The following ELK1 variants were observed in gnomAD, a reference collection of about 807,000 sequenced individuals.
ELK1 encodes ETS domain-containing protein Elk-1.
For synonymous variants in ELK1, 163 were observed against 176.3 expected (o/e 0.92, Z 0.60); for missense variants, 254 against 381.5 (o/e 0.67, Z 2.78).
chrX:47,638,537 C>T (rs767543729), intron 4 of ELK1, among the ~76,000 whole-genome samples: 57 of 112,347 alleles, frequency 5.1e-4, no homozygotes, highest in Non-Finnish European at 4.7e-4. Context: ...TTATTGGGCC[C>T]CTCCCCAGCC....
chrX:47,646,833 T>A (rs1198681140), intron 2 of ELK1, among the ~76,000 whole-genome samples: 2 of 112,039 alleles, frequency 1.8e-5, no homozygotes, highest in African/African-American at 3.2e-5. Context: ...ATCACCTGTG[T>A]GACCTCACCT....
Position 47,636,081 on chromosome X carries a change from C to T in ELK1, c.*748G>A, listed in dbSNP as rs2058006897. 1 of 111,570 alleles carries T rather than the reference C, an allele frequency of 9.0e-6. No homozygotes were observed. Among genetic ancestry groups the T allele is most frequent in the South Asian group, 3.7e-4 (1 of 2,686 alleles). The allele number at this position is 111,570 out of a possible 1,213,427, so 9.2% of individuals were successfully genotyped here. A position where few individuals can be genotyped will look rare whatever the true frequency, so the allele number is the denominator to read the frequency against. ...AGGGGCCCCCCAGACGGGGACCACC[C>T]CCCAAAAAAACCCTCCATTGGGAGG... On this transcript the variant is annotated 3_prime_UTR_variant, in exon 7 of 7. Coordinates refer to ENST00000376983, the MANE Select transcript of ELK1 (RefSeq NM_001114123.3).
chrX:47,637,741 A>T lies in ELK1; in HGVS notation c.1086+10T>A. The T allele has an allele frequency of 8.5e-7, 1 of 1,180,866 alleles. No homozygotes were observed. The highest frequency in any genetic ancestry group is 1.9e-5 in the South Asian group (1 of 53,899). On this transcript the variant is annotated intron_variant, in intron 5 of 6. Coordinates refer to ENST00000376983, the MANE Select transcript of ELK1 (RefSeq NM_001114123.3). Reference sequence around the variant, plus strand: ...GCGCCCACACACCCCACCCCTCCGCAGGCACTCACCAATGTATGCGTAGGA... The same window carrying T: ...GCGCCCACACACCCCACCCCTCCGCTGGCACTCACCAATGTATGCGTAGGA...
chrX:47,638,970 G>T lies in ELK1; in HGVS notation c.579C>A (p.Pro193=), dbSNP rs761811017. The T allele has an allele frequency of 1.0e-5, 12 of 1,199,409 alleles. No homozygotes were observed. In the African/African-American group the frequency reaches 1.7e-4, roughly 17 times the overall value. ...SAAPAGAAAP[P]SGSRSTSPSP... is the part of the protein sequence containing the mutation. ...TTGGACTGGTGCTCCTGCTCCCCGA[G>T]GGGGGCGCTGCTGCCCCTGCAGGAG... is the stretch of plus-strand genomic sequence containing the variant. The change falls in exon 4 of 7, where the codon CCC becomes CCA. Residue 193 remains proline (P), a synonymous_variant. Transcript: ENST00000376983.
At chrX:47,640,765 G>A (rs937262996) in intron 3 of ELK1, among the ~76,000 whole-genome samples, 1 of 111,371 alleles carries the variant, frequency 9.0e-6, no homozygotes, top group African/African-American at 3.3e-5. Context: ...AGCAAAAGTT[G>A]GTATAATACT....
intron 5 of ELK1, 31 bp downstream of exon 5, chrX:47,637,720 C>T (rs2058013523): frequency 4.1e-5 from 47 of 1,158,719 alleles, no homozygotes; most frequent in Non-Finnish European, 5.2e-5. Context: ...GTGCTGGCGC[C>T]CACACACCCC....
At chrX:47,642,942 C>T (rs761145081) in intron 2 of ELK1, among the ~76,000 whole-genome samples, 15 of 111,894 alleles carry the variant, frequency 1.3e-4, no homozygotes, top group Non-Finnish European at 2.6e-4. Flanking sequence ...CAATAATTAA[C>T]ATCTATTGAG....
At chrX:47,637,647 G>A in intron 5 of ELK1, 104 bp downstream of exon 5, 1 of 997,796 alleles carries the variant, frequency 1.0e-6, no homozygotes, top group South Asian at 2.3e-5. Context: ...ACCCTCTTCA[G>A]GAACAACCAC....
intron 2 of ELK1, among the ~76,000 whole-genome samples, chrX:47,642,647 G>A (rs771189565): frequency 3.8e-5 from 4 of 105,274 alleles, no homozygotes; most frequent in Admixed American, 1.0e-4. Flanking sequence ...AGGCTGGAGC[G>A]CAGTATAGTG....
chrX:47,644,924 A>T (rs1165151931), intron 2 of ELK1, among the ~76,000 whole-genome samples: 1 of 111,646 alleles, frequency 9.0e-6, no homozygotes, highest in East Asian at 2.8e-4. Flanking sequence ...TGTGAGAAGA[A>T]CAGACTGTTG....
At position 47,648,032 on chromosome X, in the gene ELK1, A is replaced by G. The variant is rs372892587; in HGVS notation, c.-35+1889T>C. On this transcript the variant is annotated intron_variant, in intron 2 of 6. Coordinates refer to ENST00000376983, the MANE Select transcript of ELK1 (RefSeq NM_001114123.3). ...GGTGTGACAATCAACCTTTAATGAA[A>G]TAACACTACCCAGGTACAACAAAAT... is the stretch of plus-strand genomic sequence containing the variant. Among the ~76,000 whole-genome samples the G allele has an allele frequency of 4.4e-5, 5 of 112,487 alleles. No homozygotes were observed. In the East Asian group the frequency reaches 1.1e-3, roughly 25 times the overall value.
At position 47,638,121 on chromosome X, in the gene ELK1, C is replaced by T; in HGVS notation, c.716G>A (p.Gly239Asp). ...LKSEELNVEP[G>D]LGRALPPEVK... The stretch of plus-strand genomic sequence containing the variant: ...TTCTGGGGGCAAAGCCCGGCCCAAA[C>T]CCGGCTCCACATTAAGCTCTTCCGA... Residue 239 changes from glycine (G) to aspartate (D), a missense_variant, in exon 5 of 7, where the codon GGT becomes GAT. By Grantham distance (94) the Gly-to-Asp change is moderately conservative (BLOSUM62 -1). Transcript: ENST00000376983. 2 of 1,209,398 alleles carry T rather than the reference C, an allele frequency of 1.7e-6. No homozygotes were observed. Among genetic ancestry groups the T allele is most frequent in the Middle Eastern group, 4.6e-4 (2 of 4,354 alleles).
At chrX:47,642,379 C>T (rs938448625) in intron 2 of ELK1, among the ~76,000 whole-genome samples, 10 of 107,307 alleles carry the variant, frequency 9.3e-5, no homozygotes, top group Admixed American at 7.0e-4. Flanking sequence ...GTATCTTCTA[C>T]CATATCAATG....
At chrX:47,639,639 A>C (rs1603091059) in intron 3 of ELK1, among the ~76,000 whole-genome samples, 1 of 108,260 alleles carries the variant, frequency 9.2e-6, no homozygotes, top group African/African-American at 3.4e-5. Flanking sequence ...CTTCCCATCC[A>C]CCCCTTTCCA....
chrX:47,638,323 C>T (rs781594313), intron 4 of ELK1, 141 bp from the exon 5 acceptor site: 22 of 777,748 alleles, frequency 2.8e-5, no homozygotes, highest in Non-Finnish European at 4.1e-5. Context: ...AGTCCTCCAA[C>T]AGGACATAGG....
intron 2 of ELK1, among the ~76,000 whole-genome samples, chrX:47,647,401 A>G (rs1400396866): frequency 9.0e-6 from 1 of 111,344 alleles, no homozygotes; most frequent in African/African-American, 3.3e-5. Flanking sequence ...AGCTCAGGCA[A>G]TCCACCCACC....
At chrX:47,643,078 C>A (rs753953940) in intron 2 of ELK1, among the ~76,000 whole-genome samples, 7 of 111,771 alleles carry the variant, frequency 6.3e-5, no homozygotes, top group East Asian at 5.7e-4. Context: ...AGCTGTGTGA[C>A]CCTGGGCATA....
rs747810183 is a variant in ELK1 at position 47,650,532 on chromosome X, G to A, written c.-250C>T. On this transcript the variant is annotated 5_prime_UTR_variant, in exon 1 of 7. Transcript: ENST00000376983. Reference sequence around the variant, plus strand: ...CCTGGGTTCCGAGGCGGCGGTGGAGGTGGTGGTGGCGGTGGCGGCGGCAGC... The same window carrying A: ...CCTGGGTTCCGAGGCGGCGGTGGAGATGGTGGTGGCGGTGGCGGCGGCAGC... 8 of 326,960 alleles carry A rather than the reference G, an allele frequency of 2.4e-5. No homozygotes were observed. The highest frequency in any genetic ancestry group is 4.6e-5 in the Non-Finnish European group (8 of 172,675). The allele number at this position is 326,960 out of a possible 1,213,427, so 26.9% of individuals were successfully genotyped here.
At chrX:47,646,969 T>C (rs912264314) in intron 2 of ELK1, among the ~76,000 whole-genome samples, 4 of 111,493 alleles carry the variant, frequency 3.6e-5, no homozygotes, top group Admixed American at 2.8e-4. Context: ...GCTCTTCCCG[T>C]AGACATTAAG....
Sources: gnomAD v4.1 joint callset for allele counts (sites outside exome capture counted in the v4.1 genomes callset) on GRCh38, gnomAD v4.1.1 for gene constraint, MANE v1.5 for transcripts, NCBI Gene and HGNC (gene_info 2026-07-23, HGNC 2026-07-21) for gene names.